Variants in CDH11 observed in about 807,000 individuals in gnomAD.
The protein encoded by CDH11 is cadherin 11, also known as cadherin-11.
In CDH11, 11 loss-of-function variants were observed where a neutral mutation model predicts 67.8. The ratio of observed to expected loss-of-function variants is 0.16; its 90% confidence interval spans 0.10 to 0.27. CDH11 has a LOEUF of 0.27. CDH11 is among the 10% of genes least tolerant of loss of function. The pLI is 1.00. For synonymous variants in CDH11, 419 were observed against 400.0 expected, an observed-to-expected ratio of 1.05 and a Z score of -0.57; for missense variants, 847 against 1,031.2, an observed-to-expected ratio of 0.82 and a Z score of 2.45.
chr16:64,949,263 T>A (rs2071284832), intron 12 of CDH11, among the ~76,000 whole-genome samples: 6 of 152,084 alleles, frequency 3.9e-5, no homozygotes, highest in Admixed American at 3.9e-4. Context: ...CCACTTCTAT[T>A]AACTTTTTAG....
At chr16:64,990,831 G>A (rs555523426) in intron 6 of CDH11, among the ~76,000 whole-genome samples, 4 of 152,176 alleles carry the variant, frequency 2.6e-5, no homozygotes, top group African/African-American at 7.2e-5. Flanking sequence ...ATTTGTTGAC[G>A]ACTTATAGAC....
intron 1 of CDH11, among the ~76,000 whole-genome samples, chr16:65,087,089 G>A (rs767478867): frequency 2.0e-5 from 3 of 152,106 alleles, no homozygotes; most frequent in African/African-American, 4.8e-5. Context: ...AGCAGACTTC[G>A]GAGTTAGGTG....
In CDH11 at chr16:64,993,141, T is replaced by A. The variant is rs989473330; in HGVS notation, c.524-107A>T. The A allele has an allele frequency of 1.7e-5, 15 of 871,520 alleles. No individual in the cohort carries two copies. The African/African-American group carries it at 2.5e-4, about 15-fold the overall frequency. 54.0% of individuals were successfully genotyped at this position (871,520 alleles called of 1,614,324 possible). On this transcript the variant is annotated intron_variant, in intron 4 of 12. Transcript: ENST00000268603. Reference sequence around the variant, plus strand: ...TTAACCCTGAAGAAGGCACCACAATTATTCAACATTCTCTCATTTTCCTGG... The same window carrying A: ...TTAACCCTGAAGAAGGCACCACAATAATTCAACATTCTCTCATTTTCCTGG...
At chr16:65,083,971 C>T (rs1259035038) in intron 1 of CDH11, among the ~76,000 whole-genome samples, 1 of 152,042 alleles carries the variant, frequency 6.6e-6, no homozygotes, top group Non-Finnish European at 1.5e-5. Context: ...GAGAGGATTT[C>T]CCTTGTCACG....
At chr16:65,091,699 C>T (rs2074795824) in intron 1 of CDH11, among the ~76,000 whole-genome samples, 1 of 151,886 alleles carries the variant, frequency 6.6e-6, no homozygotes, top group African/African-American at 2.4e-5. Context: ...CTACAGGCGC[C>T]CACCACCACG....
At chr16:64,988,009 C>T (rs575630852) in intron 7 of CDH11, 148 bp downstream of exon 7, 10 of 593,816 alleles carry the variant, frequency 1.7e-5, no homozygotes, top group Middle Eastern at 5.6e-4. Flanking sequence ...CTGTGATCTT[C>T]CAGAGCTCAG....
chr16:65,089,496 T>C (rs944830543), intron 1 of CDH11, among the ~76,000 whole-genome samples: 2 of 152,328 alleles, frequency 1.3e-5, no homozygotes, highest in African/African-American at 4.8e-5. Context: ...TAACTAATTA[T>C]GTGTGACTTA....
chr16:64,968,108 C>T (rs1334106136), intron 11 of CDH11, among the ~76,000 whole-genome samples: 1 of 152,120 alleles, frequency 6.6e-6, no homozygotes, highest in Non-Finnish European at 1.5e-5. Flanking sequence ...CCATGTACAA[C>T]CAACAGGGCC....
intron 2 of CDH11, among the ~76,000 whole-genome samples, chr16:65,010,383 C>T (rs2073151888): frequency 6.6e-6 from 1 of 152,116 alleles, no homozygotes; most frequent in Non-Finnish European, 1.5e-5. Flanking sequence ...TCTCATTTCA[C>T]ATCAAATCAC....
chr16:64,958,404 G>C (rs1195019339), intron 11 of CDH11, among the ~76,000 whole-genome samples: 1 of 151,488 alleles, frequency 6.6e-6, no homozygotes, highest in Admixed American at 6.6e-5. Flanking sequence ...TTATTATTCT[G>C]TTATTATTAT....
intron 2 of CDH11, among the ~76,000 whole-genome samples, chr16:65,008,670 A>C (rs747820318): frequency 6.6e-6 from 1 of 152,192 alleles, no homozygotes; most frequent in Non-Finnish European, 1.5e-5. Flanking sequence ...CTGAGATTTG[A>C]ACCCATGGCT....
At chr16:65,114,694 G>A (rs894724881) in intron 1 of CDH11, among the ~76,000 whole-genome samples, 14 of 152,162 alleles carry the variant, frequency 9.2e-5, no homozygotes, top group African/African-American at 1.4e-4. Flanking sequence ...AGATGACACC[G>A]GCGAGCCGCA....
intron 2 of CDH11, among the ~76,000 whole-genome samples, chr16:65,045,366 TA>T (rs2073943042): frequency 8.3e-6 from 1 of 120,808 alleles, no homozygotes; most frequent in Admixed American, 9.0e-5. Context: ...TATATATATA[TA>T]TATATGAACT....
At chr16:64,965,960 A>C (rs2071812971) in intron 11 of CDH11, among the ~76,000 whole-genome samples, 1 of 152,110 alleles carries the variant, frequency 6.6e-6, no homozygotes, top group African/African-American at 2.4e-5. Flanking sequence ...GATTAATTGT[A>C]AATGTATAGC....
chr16:65,064,438 A>G (rs2074281740), intron 1 of CDH11, among the ~76,000 whole-genome samples: 1 of 152,236 alleles, frequency 6.6e-6, no homozygotes, highest in Non-Finnish European at 1.5e-5. Flanking sequence ...CAATACCATC[A>G]GGGTTCTGTT....
At chr16:65,098,835 A>G (rs1337071101) in intron 1 of CDH11, among the ~76,000 whole-genome samples, 1 of 152,134 alleles carries the variant, frequency 6.6e-6, no homozygotes, top group African/African-American at 2.4e-5. Flanking sequence ...CTAGTATGCC[A>G]TGTGATTTGG....
In CDH11 at chr16:64,998,770, G is replaced by T; in HGVS notation, c.315C>A (p.Asp105Glu). Reference sequence around the variant, plus strand: ...TGGTGGCATGAATGTTCCCTGATTTGTCATCAATCACAAAAATGGTTCCAG... The same window carrying T: ...TGGTGGCATGAATGTTCCCTGATTTTTCATCAATCACAAAAATGGTTCCAG... The part of the protein sequence containing the change: ...EGAGTIFVID[D>E]KSGNIHATKT... Residue 105 changes from aspartate (D) to glutamate (E), a missense_variant, in exon 4 of 13, where the codon GAC (aspartate) becomes GAA (glutamate). Around this residue, in one of 2 missense-constraint regions of CDH11, gnomAD observed 235 missense variants for 352.5 expected, o/e 0.67. Coordinates refer to ENST00000268603, the MANE Select transcript of CDH11 (RefSeq NM_001797.4). 1 of 1,613,986 alleles carries T rather than the reference G, an allele frequency of 6.2e-7. No individual in the cohort carries two copies. Among genetic ancestry groups the T allele is most frequent in the Non-Finnish European group, 8.5e-7 (1 of 1,179,948 alleles).
At chr16:65,019,310 T>G (rs1215333189) in intron 2 of CDH11, among the ~76,000 whole-genome samples, 1 of 152,172 alleles carries the variant, frequency 6.6e-6, no homozygotes, top group Non-Finnish European at 1.5e-5. Flanking sequence ...TTGCCATAAA[T>G]CATTTATTTA....
At chr16:65,014,072 G>A (rs1490839122) in intron 2 of CDH11, among the ~76,000 whole-genome samples, 3 of 152,170 alleles carry the variant, frequency 2.0e-5, no homozygotes, top group Non-Finnish European at 4.4e-5. Flanking sequence ...CAACAAGAAT[G>A]CGTAAATACA....
Sources: gnomAD v4.1 joint callset for allele counts (sites outside exome capture counted in the v4.1 genomes callset) on GRCh38, gnomAD v4.1.1 for gene constraint, gnomAD v4.1.1 regional missense constraint, MANE v1.5 for transcripts, NCBI Gene and HGNC (gene_info 2026-07-23, HGNC 2026-07-21) for gene names.